GRID2IP: variants seen among roughly 807,000 people sequenced by gnomAD.
The protein encoded by GRID2IP is Grid2 interacting protein, also known as delphilin.
A neutral mutation model predicts 114.3 loss-of-function variants in GRID2IP; 78 were observed. That is an observed-to-expected ratio of 0.68 (90% CI 0.57 to 0.82). The LOEUF (loss-of-function observed/expected upper bound fraction) is 0.82. Ranked by LOEUF, GRID2IP falls within the 40% of genes least tolerant of loss-of-function variation. The pLI is 0.00. For synonymous variants in GRID2IP, 809 were observed against 724.0 expected, an observed-to-expected ratio of 1.12 and a Z score of -1.89; for missense variants, 1,727 against 1,678.5, an observed-to-expected ratio of 1.03 and a Z score of -0.51.
At position 6,534,962 on chromosome 7, in the gene GRID2IP, T is replaced by C. The variant is rs566021541; in HGVS notation, c.584+4756A>G. Among the ~76,000 whole-genome samples the C allele has an allele frequency of 3.9e-5, 6 of 152,344 alleles. No individual in the cohort carries two copies. The highest frequency in any genetic ancestry group is 1.4e-4 in the African/African-American group (6 of 41,580). On this transcript the variant is annotated intron_variant, in intron 2 of 21. Transcript: ENST00000457091. This position sits in a 1 kb window ranked among gnomAD's most constrained non-coding sequence, Gnocchi z 4.5. ...GTGCAATGGCACGATCTCGGCTCACTGCAATCTCCGCCTCCCAGGTTCAAG... is the reference window on the plus strand; with the variant it reads ...GTGCAATGGCACGATCTCGGCTCACCGCAATCTCCGCCTCCCAGGTTCAAG...
chr7:6,551,119 C>G lies in GRID2IP; in HGVS notation c.318G>C (p.Arg106=). The change falls in exon 1 of 22, where the codon CGG becomes CGC. Residue 106 remains arginine (R), a synonymous_variant. Coordinates refer to ENST00000457091, the MANE Select transcript of GRID2IP (RefSeq NM_001145118.2). ...GGCCCAGAGCTAGGCCGCGGCCGCA[C>G]CGCGGGGCCCGCAAGACTGTGGTCG... ...AAPTTVLRAP[R]CGRGLALGRE... 8 of 1,298,578 alleles carry G rather than the reference C, an allele frequency of 6.2e-6. No homozygotes were observed. Among genetic ancestry groups the G allele is most frequent in the Non-Finnish European group, 7.8e-6 (8 of 1,027,488 alleles). 80.4% of individuals were successfully genotyped at this position (1,298,578 alleles called of 1,614,324 possible).
chr7:6,510,560 C>T (rs1562514653), intron 10 of GRID2IP, 49 bp downstream of exon 10: 4 of 1,424,484 alleles, frequency 2.8e-6, no homozygotes, highest in Non-Finnish European at 3.8e-6. Flanking sequence ...ATGGACCGTC[C>T]ATTCCCTGCC....
In GRID2IP at chr7:6,508,108, C is replaced by A. The variant is rs1187080005; in HGVS notation, c.2421G>T (p.Val807=). The change falls in exon 13 of 22, where the codon GTG becomes GTT. Residue 807 remains valine (V), a synonymous_variant. Coordinates refer to ENST00000457091, the MANE Select transcript of GRID2IP (RefSeq NM_001145118.2). This position sits in a 1 kb window ranked among gnomAD's most constrained non-coding sequence, Gnocchi z 5.6. ...GGGACAGCATGGGGGGTGCACAGGGCACGGGTGGGGGCAGGGGCGGTGGGG... is the reference window on the plus strand; with the variant it reads ...GGGACAGCATGGGGGGTGCACAGGGAACGGGTGGGGGCAGGGGCGGTGGGG... ...PPPPPPLPPP[V]PCAPPMLSRG... 2.5e-5 allele frequency: 38 copies of A among 1,523,902 alleles called. No homozygotes were observed. The highest frequency in any genetic ancestry group is 3.3e-5 in the Non-Finnish European group (38 of 1,135,716). The allele number at this position is 1,523,902 out of a possible 1,614,324, so 94.4% of individuals were successfully genotyped here.
In GRID2IP at chr7:6,509,546, C is replaced by T. The variant is rs1040704947; in HGVS notation, c.1772-233G>A. Among the ~76,000 whole-genome samples, 3 of 152,172 alleles carry T rather than the reference C, an allele frequency of 2.0e-5. No homozygotes were observed. Among genetic ancestry groups the T allele is most frequent in the Non-Finnish European group, 4.4e-5 (3 of 68,032 alleles). ...CCTCAGGACAGGCTGGACGCCAGCT[C>T]ACCTTGGAATGGTCACCAGGGGTCC... On this transcript the variant is annotated intron_variant, in intron 11 of 21. Transcript: ENST00000457091. The surrounding 1 kb of genome is among the most constrained non-coding windows in gnomAD (Gnocchi z 4.9).
At chr7:6,529,893 C>T (rs1583348504) in intron 2 of GRID2IP, among the ~76,000 whole-genome samples, 1 of 152,062 alleles carries the variant, frequency 6.6e-6, no homozygotes, top group Admixed American at 6.6e-5. Flanking sequence ...AATCCAACCC[C>T]AAGTTCCTAC....
At position 6,497,021 on chromosome 7, in the gene GRID2IP, G is replaced by A. The variant is rs1467008698; in HGVS notation, c.*753C>T. Among the ~76,000 whole-genome samples the A allele has an allele frequency of 6.6e-6, 1 of 152,162 alleles. No individual in the cohort carries two copies. Among genetic ancestry groups the A allele is most frequent in the Non-Finnish European group, 1.5e-5 (1 of 68,034 alleles). ...AGGGAACATCACCATCCGTCCAGGT[G>A]AGAAGTCTGGCAGTTGGCCACCAGA... On this transcript the variant is annotated 3_prime_UTR_variant, in exon 22 of 22. Transcript: ENST00000457091.
intron 8 of GRID2IP, 142 bp from the exon 9 acceptor site, chr7:6,511,181 A>G: frequency 4.4e-6 from 5 of 1,146,712 alleles, no homozygotes; most frequent in Non-Finnish European, 5.5e-6. Flanking sequence ...TGCCTCCAGA[A>G]CAGCTCTTGA....
At chr7:6,539,551 C>T (rs1306137469) in intron 2 of GRID2IP, among the ~76,000 whole-genome samples, 167 bp downstream of exon 2, 2 of 152,164 alleles carry the variant, frequency 1.3e-5, no homozygotes, top group African/African-American at 4.8e-5. Context: ...GGTCATTGGC[C>T]TACCCTTGTT....
At chr7:6,501,422 C>A (rs1049326564) in intron 20 of GRID2IP, among the ~76,000 whole-genome samples, 1 of 151,982 alleles carries the variant, frequency 6.6e-6, no homozygotes, top group African/African-American at 2.4e-5. Context: ...CAGGATGGGA[C>A]CTGGTGTTGT....
rs1239331815 is a variant in GRID2IP at position 6,528,978 on chromosome 7, C to T, written c.585-2209G>A. Among the ~76,000 whole-genome samples, 2 of 152,166 alleles carry T rather than the reference C, an allele frequency of 1.3e-5. No homozygotes were observed. Among genetic ancestry groups the T allele is most frequent in the African/African-American group, 4.8e-5 (2 of 41,422 alleles). ...GGCCTGCACATTCCCTAGCGCCTCC[C>T]AGACCTCAAGCCTCATGTCCAGGCA... On this transcript the variant is annotated intron_variant, in intron 2 of 21. Transcript: ENST00000457091. This position sits in a 1 kb window ranked among gnomAD's most constrained non-coding sequence, Gnocchi z 6.0.
At chr7:6,514,582 GCA>G in intron 7 of GRID2IP, 53 bp from the exon 8 acceptor site, 4 of 1,421,890 alleles carry the variant, frequency 2.8e-6, no homozygotes, top group East Asian at 2.6e-5. Flanking sequence ...TTACCATGAT[GCA>G]CAGAGTGGGG....
In GRID2IP at chr7:6,520,080, C is replaced by T. The variant is rs1324572713; in HGVS notation, c.1268+498G>A. 6.6e-6 allele frequency among the ~76,000 whole-genome samples: 1 copy of T among 152,038 alleles called. No individual in the cohort carries two copies. Among genetic ancestry groups the T allele is most frequent in the Non-Finnish European group, 1.5e-5 (1 of 67,992 alleles). On this transcript the variant is annotated intron_variant, in intron 7 of 21. Coordinates refer to ENST00000457091, the MANE Select transcript of GRID2IP (RefSeq NM_001145118.2). The surrounding 1 kb of genome is among the most constrained non-coding windows in gnomAD (Gnocchi z 4.6). ...CACGAGGTCAGGAGTTTGAGACCAG[C>T]CTGACCAACATAGTGAAACCCTGTC...
rs867223442 is a variant in GRID2IP at position 6,503,533 on chromosome 7, C to T, written c.2865G>A (p.Glu955=). The T allele has an allele frequency of 2.0e-6, 3 of 1,526,644 alleles. No homozygotes were observed. The highest frequency in any genetic ancestry group is 2.8e-5 in the African/African-American group (2 of 71,512). The allele number at this position is 1,526,644 out of a possible 1,614,324, so 94.6% of individuals were successfully genotyped here. Residue 955 remains glutamate (E), a synonymous_variant, in exon 16 of 22, where the codon GAG becomes GAA. Transcript: ENST00000457091. ...CCGGCTCGCTGAGGCGGCCGGGCGC[C>T]TCGCGGAAGGCCTGGTAGCGCTGCT... ...DEEQRYQAFR[E]APGRLSEPDQ...
Position 6,551,232 on chromosome 7 carries a change from C to T in GRID2IP, c.205G>A (p.Ala69Thr), listed in dbSNP as rs1364632077. 6.5e-6 allele frequency: 10 copies of T among 1,527,312 alleles called. No homozygotes were observed. The highest frequency in any genetic ancestry group is 8.7e-6 in the Non-Finnish European group (10 of 1,143,000). 94.6% of individuals were successfully genotyped at this position (1,527,312 alleles called of 1,614,324 possible). Residue 69 changes from alanine to threonine, a missense_variant, in exon 1 of 22, where the codon GCA becomes ACA. Transcript: ENST00000457091. ...GLSRERLVRL[A>T]RRCPRVPPSL... ...GGCGGCACACGTGGGCAGCGCCGTG[C>T]CAGGCGCACGAGGCGCTCGCGGCTC...
At chr7:6,502,924 C>T (rs1206663786) in intron 17 of GRID2IP, 52 bp from the exon 18 acceptor site, 5 of 1,533,910 alleles carry the variant, frequency 3.3e-6, no homozygotes, top group Non-Finnish European at 4.4e-6. Context: ...ACCCATCCAC[C>T]CTGCTGTCTG....
chr7:6,534,680 C>A lies in GRID2IP; in HGVS notation c.584+5038G>T, dbSNP rs560241160. ...TGGCTAGTGAGACTGAGAAGCTGAA[C>A]TTTATATTTTATCAAATATTAATTA... On this transcript the variant is annotated intron_variant, in intron 2 of 21. Transcript: ENST00000457091. The surrounding 1 kb of genome is among the most constrained non-coding windows in gnomAD (Gnocchi z 4.5). Among the ~76,000 whole-genome samples, 1 of 152,046 alleles carries A rather than the reference C, an allele frequency of 6.6e-6. No homozygotes were observed. The highest frequency in any genetic ancestry group is 1.5e-5 in the Non-Finnish European group (1 of 68,020).
In GRID2IP at chr7:6,526,005, A is replaced by G. The variant is rs1275583383; in HGVS notation, c.919+219T>C. Reference sequence around the variant, plus strand: ...AGGGGTGGGGTGCCCCAACTCAGGCAGAAGGCTCTGGCCTCAAGCATCTTA... The same window carrying G: ...AGGGGTGGGGTGCCCCAACTCAGGCGGAAGGCTCTGGCCTCAAGCATCTTA... On this transcript the variant is annotated intron_variant, in intron 4 of 21. Coordinates refer to ENST00000457091, the MANE Select transcript of GRID2IP (RefSeq NM_001145118.2). This position sits in a 1 kb window ranked among gnomAD's most constrained non-coding sequence, Gnocchi z 7.6. Among the ~76,000 whole-genome samples, 2 of 152,208 alleles carry G rather than the reference A, an allele frequency of 1.3e-5. No individual in the cohort carries two copies. Among genetic ancestry groups the G allele is most frequent in the African/African-American group, 2.4e-5 (1 of 41,454 alleles).
chr7:6,522,805 A>ATGTGTG (rs776645557), intron 4 of GRID2IP, among the ~76,000 whole-genome samples: 3 of 57,044 alleles, frequency 5.3e-5, no homozygotes, highest in Admixed American at 1.9e-4. Flanking sequence ...TGCCTGGCTA[A>ATGTGTG]TATGTGTGTG....
rs374351929 is a variant in GRID2IP, at chr7:6,548,301, C to T, written c.429+2707G>A. 8.6e-5 allele frequency among the ~76,000 whole-genome samples: 13 copies of T among 151,564 alleles called. No individual in the cohort carries two copies. In the East Asian group the frequency reaches 1.6e-3, roughly 18 times the overall value. On this transcript the variant is annotated intron_variant, in intron 1 of 21. Coordinates refer to ENST00000457091, the MANE Select transcript of GRID2IP (RefSeq NM_001145118.2). ...CCGGGAGGCGGAGGTTGCAGTGAGC[C>T]GAGATCGTACCACTGTATTCCCTGG...
Sources: allele counts gnomAD v4.1 joint callset (sites outside exome capture counted in the v4.1 genomes callset), GRCh38; gene constraint gnomAD v4.1.1; non-coding constraint Gnocchi (gnomAD v3.1); transcripts MANE v1.5; gene names NCBI Gene and HGNC (gene_info 2026-07-23, HGNC 2026-07-21).